TAF1D: variants seen among roughly 807,000 people sequenced by gnomAD.
The protein encoded by TAF1D is TATA box-binding protein-associated factor RNA polymerase I subunit D.
TAF1D carries 23 observed loss-of-function variants against 26.2 expected under a neutral mutation model. The observed-to-expected ratio is 0.88, with a 90% CI of 0.63 to 1.25. The LOEUF (loss-of-function observed/expected upper bound fraction) is 1.25. Among genes scored for constraint, TAF1D ranks in the 50% most tolerant of loss-of-function variants. The pLI is 0.00. For missense variants in TAF1D, 299 were observed against 322.0 expected (o/e 0.93, Z 0.55); for synonymous variants, 100 against 105.6 (o/e 0.95, Z 0.33).
chr11:93,731,871 T>A (rs928020105), downstream of TAF1D: 9 of 370,220 alleles, frequency 2.4e-5, no homozygotes, highest in African/African-American at 1.7e-4. Flanking sequence ...GTATACCACA[T>A]TACAATGTTT....
At chr11:93,731,052 G>A (rs1938587377), downstream of TAF1D, 1 of 519,048 alleles carries the variant, frequency 1.9e-6, no homozygotes, top group Non-Finnish European at 3.8e-6. Context: ...TTATGGTCAT[G>A]TCCACAGCAA....
At chr11:93,738,011 T>A (rs1941153858) in intron 3 of TAF1D, 98 bp downstream of exon 3, 1 of 1,391,194 alleles carries the variant, frequency 7.2e-7, no homozygotes, top group Admixed American at 2.6e-5. Flanking sequence ...TTGCAGACAG[T>A]CTGTTCCCAG....
downstream of TAF1D, chr11:93,735,059 C>T: frequency 7.8e-7 from 1 of 1,289,544 alleles, no homozygotes; most frequent in Non-Finnish European, 1.0e-6. Context: ...TGGCCTGGAA[C>T]CAACCTTTAT....
At chr11:93,731,928 A>C (rs1342943108), downstream of TAF1D, 1 of 442,608 alleles carries the variant, frequency 2.3e-6, no homozygotes, top group East Asian at 6.4e-5. Context: ...AAGAGCTGAA[A>C]ATTCCTTATT....
At chr11:93,736,577 C>CTAT (rs1940824257) in intron 5 of TAF1D, 117 bp downstream of exon 5, 1 of 1,465,776 alleles carries the variant, frequency 6.8e-7, no homozygotes, top group Non-Finnish European at 9.0e-7. Context: ...CTGCAGTAAA[C>CTAT]TTATAGAGCT....
downstream of TAF1D, chr11:93,730,632 T>A (rs543583871): frequency 1.8e-6 from 1 of 554,738 alleles, no homozygotes; most frequent in African/African-American, 1.9e-5. Context: ...TCATAAGCCC[T>A]CTTTGAAATG....
chr11:93,734,789 C>T, downstream of TAF1D: 1 of 1,247,202 alleles, frequency 8.0e-7, no homozygotes, highest in Non-Finnish European at 1.0e-6. Flanking sequence ...ACCTTTTTTT[C>T]TTAAGAGACA....
intron 3 of TAF1D, among the ~76,000 whole-genome samples, chr11:93,737,577 A>G (rs1591285055): frequency 1.3e-5 from 2 of 152,302 alleles, no homozygotes; most frequent in Middle Eastern, 3.4e-3. Context: ...ACATGTATTA[A>G]TCCTCCCAAA....
downstream of TAF1D, chr11:93,730,780 A>G: frequency 4.7e-6 from 2 of 427,594 alleles, no homozygotes; most frequent in South Asian, 3.5e-5. Context: ...GTGAACATGA[A>G]TGAGTCCCTA....
chr11:93,736,949 C>G, intron 4 of TAF1D, 115 bp downstream of exon 4: 1 of 1,116,210 alleles, frequency 9.0e-7, no homozygotes, highest in Non-Finnish European at 1.2e-6. Context: ...TTGTCATACT[C>G]TGTATCTTTG....
chr11:93,737,137 T>G lies in TAF1D; in HGVS notation c.562A>C (p.Asn188His). Residue 188 changes from asparagine to histidine, a missense_variant, in exon 4 of 6, where the codon AAT becomes CAT. Asn to His is a moderately conservative substitution (Grantham distance 68, BLOSUM62 1). Coordinates refer to ENST00000448108, the MANE Select transcript of TAF1D (RefSeq NM_024116.4). ...KQMNVGEDLE[N>H]EDFDSRRYKF... is the part of the protein sequence containing the mutation. The stretch of plus-strand genomic sequence containing the variant: ...TATCTACGACTGTCAAAATCTTCAT[T>G]TTCTAAATCTTCACCAACATTCATT... 2 of 1,612,474 alleles carry G rather than the reference T, an allele frequency of 1.2e-6. No homozygotes were observed. The highest frequency in any genetic ancestry group is 1.7e-6 in the Non-Finnish European group (2 of 1,179,308).
At chr11:93,736,918 G>T in intron 4 of TAF1D, 146 bp downstream of exon 4, 2 of 1,097,536 alleles carry the variant, frequency 1.8e-6, no homozygotes, top group Non-Finnish European at 2.5e-6. Flanking sequence ...GCCAAGCTTG[G>T]CTCAACTGTA....
downstream of TAF1D, chr11:93,732,666 GTCTTTGCCTAA>G (rs1249437638): frequency 3.4e-6 from 1 of 290,790 alleles, no homozygotes; most frequent in Non-Finnish European, 7.0e-6. Flanking sequence ...TACAACTCTA[GTCTTTGCCTAA>G]TCTTTGCCCA....
In TAF1D at chr11:93,736,098, T is replaced by C. The variant is rs758421732; in HGVS notation, c.*63A>G. 5.6e-6 allele frequency: 9 copies of C among 1,604,260 alleles called. No individual in the cohort carries two copies. Among genetic ancestry groups the C allele is most frequent in the East Asian group, 2.2e-5 (1 of 44,616 alleles). The stretch of plus-strand genomic sequence containing the variant: ...AGACTGGTACATATATCCACATTTA[T>C]CTTTATTCATTTCTATGAAGTCGTT... On this transcript the variant is annotated 3_prime_UTR_variant, in exon 6 of 6. Coordinates refer to ENST00000448108, the MANE Select transcript of TAF1D (RefSeq NM_024116.4).
chr11:93,738,023 A>G (rs999654962), intron 3 of TAF1D, 86 bp downstream of exon 3: 78 of 1,447,948 alleles, frequency 5.4e-5, no homozygotes, highest in Non-Finnish European at 6.9e-5. Context: ...TGTTCCCAGT[A>G]TATCTGAGAC....
At chr11:93,737,774 C>G (rs1399135427) in intron 3 of TAF1D, among the ~76,000 whole-genome samples, 1 of 152,166 alleles carries the variant, frequency 6.6e-6, no homozygotes. Flanking sequence ...GTTTAGGTTA[C>G]TGCAAAAGTA....
chr11:93,737,349 T>C (rs1941010456), intron 3 of TAF1D, 110 bp from the exon 4 acceptor site: 1 of 652,302 alleles, frequency 1.5e-6, no homozygotes. Context: ...CTGAATTTGC[T>C]ATCTTAACTA....
intron 1 of TAF1D, among the ~76,000 whole-genome samples, chr11:93,740,197 C>A (rs1412433887): frequency 6.6e-6 from 1 of 151,244 alleles, no homozygotes; most frequent in Non-Finnish European, 1.5e-5. Context: ...GGTCAGGAGG[C>A]TGGGGTAGGT....
At chr11:93,732,742 C>A (rs1163353720), downstream of TAF1D, 1 of 224,664 alleles carries the variant, frequency 4.5e-6, no homozygotes, top group African/African-American at 2.3e-5. Flanking sequence ...ACAGATCAGA[C>A]AACAAACGTC....
Sources: allele counts gnomAD v4.1 joint callset (sites outside exome capture counted in the v4.1 genomes callset), GRCh38; gene constraint gnomAD v4.1.1; transcripts MANE v1.5; gene names NCBI Gene and HGNC (gene_info 2026-07-23, HGNC 2026-07-21).